IMMP2L: variants seen among roughly 807,000 people sequenced by gnomAD.
IMMP2L encodes mitochondrial inner membrane protease subunit 2.
In IMMP2L, 18 loss-of-function variants were observed where a neutral mutation model predicts 19.3. The observed-to-expected ratio is 0.93, with a 90% confidence interval of 0.64 to 1.38. The LOEUF (loss-of-function observed/expected upper bound fraction) is 1.38, where lower values mean the gene tolerates loss of function less well. Among genes scored for constraint, IMMP2L ranks in the 40% most tolerant of loss-of-function variants. IMMP2L has a pLI of 0.00. For synonymous variants in IMMP2L, 76 were observed against 73.0 expected, an observed-to-expected ratio of 1.04 and a Z score of -0.21; for missense variants, 233 against 218.2, an observed-to-expected ratio of 1.07 and a Z score of -0.43.
chr7:111,220,576 TGATGGATGGATGGATGGATG>T (rs34015257), intron 3 of IMMP2L, among the ~76,000 whole-genome samples: 2 of 148,256 alleles, frequency 1.3e-5, no homozygotes, highest in East Asian at 2.0e-4. Context: ...CAGAGAAACA[TGATGGATGGATGGATGGATG>T]GATGGATGGA....
intron 3 of IMMP2L, among the ~76,000 whole-genome samples, chr7:110,963,878 G>A (rs1202390706): frequency 1.3e-5 from 2 of 151,972 alleles, no homozygotes; most frequent in African/African-American, 2.4e-5. Context: ...TTAAAGATAG[G>A]TTCTGATATG....
chr7:110,981,872 A>G (rs1015490237), intron 3 of IMMP2L, among the ~76,000 whole-genome samples: 1 of 152,022 alleles, frequency 6.6e-6, no homozygotes, highest in African/African-American at 2.4e-5. Context: ...CCACTTTCTC[A>G]TTTCGAAGAG....
intron 5 of IMMP2L, among the ~76,000 whole-genome samples, chr7:110,826,257 A>C (rs964476958): frequency 2.0e-5 from 3 of 152,178 alleles, no homozygotes; most frequent in African/African-American, 7.2e-5. Context: ...AACTAGTTCA[A>C]CCATTGTGGA....
intron 3 of IMMP2L, among the ~76,000 whole-genome samples, chr7:111,104,149 A>C (rs1798281349): frequency 6.6e-6 from 1 of 151,654 alleles, no homozygotes; most frequent in African/African-American, 2.4e-5. Context: ...TTGCTGGAGG[A>C]TACCTTCCTT....
intron 5 of IMMP2L, among the ~76,000 whole-genome samples, chr7:110,856,559 A>G (rs1806796342): frequency 6.6e-6 from 1 of 152,074 alleles, no homozygotes; most frequent in South Asian, 2.1e-4. Flanking sequence ...CTATTTTCCT[A>G]TAAAAGATAA....
intron 3 of IMMP2L, among the ~76,000 whole-genome samples, chr7:111,366,077 C>T (rs1829732553): frequency 6.6e-6 from 1 of 151,912 alleles, no homozygotes; most frequent in Admixed American, 6.6e-5. Context: ...TTAGTAGATG[C>T]TAAATCAAGA....
chr7:110,962,758 C>T (rs2129555492), intron 4 of IMMP2L: 1 of 1,095,390 alleles, frequency 9.1e-7, no homozygotes, highest in African/African-American at 1.6e-5. Flanking sequence ...TGTGTACTAT[C>T]ATTAATACAA....
chr7:111,383,198 A>G (rs898504451), intron 3 of IMMP2L, among the ~76,000 whole-genome samples: 6 of 152,090 alleles, frequency 3.9e-5, no homozygotes, highest in Non-Finnish European at 5.9e-5. Context: ...CTGTCTATAT[A>G]ACCCTAATTA....
At chr7:111,122,545 T>C (rs964652399) in intron 3 of IMMP2L, 12 of 520,588 alleles carry the variant, frequency 2.3e-5, no homozygotes, top group Middle Eastern at 4.8e-4. Flanking sequence ...ATCAATATTA[T>C]ATCATTAAGG....
At chr7:111,364,201 ATAAAACAAAACGTGATTGT>A (rs1425201211) in intron 3 of IMMP2L, among the ~76,000 whole-genome samples, 1 of 152,166 alleles carries the variant, frequency 6.6e-6, no homozygotes, top group Non-Finnish European at 1.5e-5. Context: ...GTCAAATTGA[ATAAAACAAAACGTGATTGT>A]TAATCATAAG....
chr7:111,057,479 C>T (rs528744670), intron 3 of IMMP2L, among the ~76,000 whole-genome samples: 3 of 151,562 alleles, frequency 2.0e-5, no homozygotes, highest in African/African-American at 7.3e-5. Flanking sequence ...TTTAAAATAA[C>T]ATGACAAATA....
Position 110,758,044 on chromosome 7 carries a change from G to A in IMMP2L, c.409-94323C>T, listed in dbSNP as rs551626991. 9.2e-5 allele frequency among the ~76,000 whole-genome samples: 14 copies of A among 152,140 alleles called. No individual in the cohort carries two copies. Among genetic ancestry groups the A allele is most frequent in the African/African-American group, 3.4e-4 (14 of 41,508 alleles). On this transcript the variant is annotated intron_variant, in intron 5 of 5. Transcript: ENST00000405709. The surrounding 1 kb of genome is among the most constrained non-coding windows in gnomAD (Gnocchi z 4.6). Reference sequence around the variant, plus strand: ...CCACCAAGTAAATATGAGATAGGAAGAAAAACTAGAAGAATATGTTGCCCT... The same window carrying A: ...CCACCAAGTAAATATGAGATAGGAAAAAAAACTAGAAGAATATGTTGCCCT...
intron 3 of IMMP2L, among the ~76,000 whole-genome samples, chr7:111,055,725 G>A (rs1206765770): frequency 6.6e-6 from 1 of 152,168 alleles, no homozygotes; most frequent in Non-Finnish European, 1.5e-5. Context: ...AGGCTCCAAA[G>A]GACATAATGG....
chr7:111,138,921 G>A (rs1665798150), intron 3 of IMMP2L, among the ~76,000 whole-genome samples: 2 of 152,050 alleles, frequency 1.3e-5, no homozygotes, highest in African/African-American at 2.4e-5. Flanking sequence ...TTTCTAGGAA[G>A]GGAAAATATT....
intron 3 of IMMP2L, among the ~76,000 whole-genome samples, chr7:111,186,833 G>A (rs1276576039): frequency 6.6e-6 from 1 of 151,976 alleles, no homozygotes; most frequent in African/African-American, 2.4e-5. Context: ...TGGAATTCAT[G>A]TATAAAGGAC....
At chr7:111,522,456 T>C (rs929640697) in intron 1 of IMMP2L, among the ~76,000 whole-genome samples, 3 of 151,978 alleles carry the variant, frequency 2.0e-5, no homozygotes, top group African/African-American at 7.3e-5. Context: ...CTCCAACAAT[T>C]CAATAGCAAA....
chr7:111,369,661 T>C (rs1275218504), intron 3 of IMMP2L, among the ~76,000 whole-genome samples: 1 of 151,956 alleles, frequency 6.6e-6, no homozygotes, highest in Admixed American at 6.6e-5. Flanking sequence ...AAGATTAACA[T>C]CATTAAATCA....
chr7:110,719,559 C>T (rs1795443443), intron 5 of IMMP2L, among the ~76,000 whole-genome samples: 1 of 152,072 alleles, frequency 6.6e-6, no homozygotes, highest in East Asian at 1.9e-4. Flanking sequence ...TAATATTTTC[C>T]TGTTTAGCAC....
chr7:111,326,765 G>T (rs1214826613), intron 3 of IMMP2L, among the ~76,000 whole-genome samples: 1 of 151,818 alleles, frequency 6.6e-6, no homozygotes, highest in Admixed American at 6.6e-5. Context: ...CAACAGCTCT[G>T]GAAGCAGTAT....
Sources: allele counts gnomAD v4.1 joint callset (sites outside exome capture counted in the v4.1 genomes callset), GRCh38; gene constraint gnomAD v4.1.1; non-coding constraint Gnocchi (gnomAD v3.1); transcripts MANE v1.5; gene names NCBI Gene and HGNC (gene_info 2026-07-23, HGNC 2026-07-21).